FRMPD4: variants seen among roughly 807,000 people sequenced by gnomAD.
FRMPD4 encodes the protein FERM and PDZ domain-containing protein 4.
FRMPD4 carries 22 observed loss-of-function variants against 94.1 expected under a neutral mutation model. The observed-to-expected ratio is 0.23, with a 90% CI of 0.17 to 0.33. FRMPD4 has a LOEUF of 0.33. Ranked by LOEUF, FRMPD4 falls within the 10% of genes least tolerant of loss-of-function variation. The pLI, the probability that FRMPD4 is intolerant of heterozygous loss-of-function variation, is 1.00. For missense variants in FRMPD4, 1,111 were observed against 1,339.9 expected, an observed-to-expected ratio of 0.83 and a Z score of 2.67; for synonymous variants, 631 against 548.6, an observed-to-expected ratio of 1.15 and a Z score of -2.10.
chrX:12,263,583 G>A (rs928533773), intron 1 of FRMPD4, among the ~76,000 whole-genome samples: 15 of 111,219 alleles, frequency 1.3e-4, no homozygotes, highest in Non-Finnish European at 2.1e-4. Context: ...GAAGCGGCAG[G>A]GAAACTACTT....
chrX:12,231,029 A>ATATATATATATATAT (rs1569199737), intron 1 of FRMPD4, among the ~76,000 whole-genome samples: 1 of 40,673 alleles, frequency 2.5e-5, no homozygotes, highest in Non-Finnish European at 4.5e-5. Context: ...GTATATATAT[A>ATATATATATATATAT]GTATATATAT....
chrX:12,585,661 C>G (rs2058920960), intron 2 of FRMPD4, among the ~76,000 whole-genome samples: 1 of 112,007 alleles, frequency 8.9e-6, no homozygotes, highest in African/African-American at 3.2e-5. Context: ...TTCCATGGTA[C>G]CTTCCTTTGC....
chrX:11,908,561 C>G (rs944005693), intron 3 of FRMPD4, among the ~76,000 whole-genome samples: 6 of 111,809 alleles, frequency 5.4e-5, no homozygotes, highest in Non-Finnish European at 1.1e-4. Flanking sequence ...GTAGCCCCAT[C>G]TAGTGGCAAA....
At chrX:12,410,349 A>G (rs2056716640) in intron 1 of FRMPD4, among the ~76,000 whole-genome samples, 1 of 111,103 alleles carries the variant, frequency 9.0e-6, no homozygotes, top group African/African-American at 3.3e-5. Flanking sequence ...TATATGTTTC[A>G]TTGTGTGTTT....
chrX:11,847,417 C>T (rs1358914481), intron 1 of FRMPD4, among the ~76,000 whole-genome samples: 5 of 106,060 alleles, frequency 4.7e-5, no homozygotes, highest in Non-Finnish European at 9.7e-5. Flanking sequence ...AATAGGAACA[C>T]TTTTACACTG....
At chrX:12,695,594 G>A (rs2060120916) in intron 9 of FRMPD4, among the ~76,000 whole-genome samples, 1 of 110,098 alleles carries the variant, frequency 9.1e-6, no homozygotes, top group Non-Finnish European at 1.9e-5. Context: ...TAGTAGAGAC[G>A]GGGTTTTGCC....
At chrX:11,887,393 C>G (rs1397119239) in intron 3 of FRMPD4, among the ~76,000 whole-genome samples, 1 of 111,649 alleles carries the variant, frequency 9.0e-6, no homozygotes, top group Non-Finnish European at 1.9e-5. Flanking sequence ...CCACATACCT[C>G]GCTCCACATG....
intron 2 of FRMPD4, among the ~76,000 whole-genome samples, chrX:12,507,341 T>A: frequency 8.9e-6 from 1 of 112,435 alleles, no homozygotes; most frequent in African/African-American, 3.2e-5. Flanking sequence ...GTCTCTGTTG[T>A]GACTCAACAG....
chrX:12,163,710 T>G (rs759790005), intron 1 of FRMPD4, among the ~76,000 whole-genome samples: 140 of 112,251 alleles, frequency 1.2e-3, no homozygotes, highest in Admixed American at 2.7e-3. Flanking sequence ...AAAAATACAA[T>G]CAATATTAAT....
chrX:11,831,145 T>C (rs752126216), intron 1 of FRMPD4, among the ~76,000 whole-genome samples: 4 of 109,248 alleles, frequency 3.7e-5, no homozygotes, highest in South Asian at 8.1e-4. Context: ...GGGAGCCAGA[T>C]TGGGACAGGG....
In FRMPD4 at chrX:12,143,533, G is replaced by T. The variant is rs933046477; in HGVS notation, c.41+4521G>T. Among the ~76,000 whole-genome samples, 3 of 111,754 alleles carry T rather than the reference G, an allele frequency of 2.7e-5. No homozygotes were observed. In the Admixed American group the frequency reaches 2.8e-4, roughly 11 times the overall value. Reference sequence around the variant, plus strand: ...TACTCTCTGGCTCTTTACAGAAAAAGTTAACTGACCCCTGGGTTAAACAAT... The same window carrying T: ...TACTCTCTGGCTCTTTACAGAAAAATTTAACTGACCCCTGGGTTAAACAAT... On this transcript the variant is annotated intron_variant, in intron 1 of 16. Transcript: ENST00000675598.
chrX:12,450,863 C>CAA (rs5901475), intron 1 of FRMPD4, among the ~76,000 whole-genome samples: 7,023 of 49,426 alleles, frequency 0.14, 592 homozygotes, highest in African/African-American at 0.22. Context: ...TCTATTTATC[C>CAA]AAAAAAAAAA....
intron 1 of FRMPD4, among the ~76,000 whole-genome samples, chrX:12,363,829 A>C (rs1377953414): frequency 9.0e-6 from 1 of 111,724 alleles, no homozygotes; most frequent in African/African-American, 3.3e-5. Flanking sequence ...AGTTGCCAAC[A>C]TGACAGCCAG....
intron 1 of FRMPD4, among the ~76,000 whole-genome samples, chrX:12,169,922 T>C (rs1487657295): frequency 8.9e-6 from 1 of 111,822 alleles, no homozygotes; most frequent in Non-Finnish European, 1.9e-5. Flanking sequence ...AGTTTACTTA[T>C]AAAAACAGGC....
intron 2 of FRMPD4, among the ~76,000 whole-genome samples, chrX:12,601,272 C>T (rs2059082199): frequency 8.9e-6 from 1 of 112,063 alleles, no homozygotes; most frequent in African/African-American, 3.2e-5. Flanking sequence ...TCTGAACCCA[C>T]AGTATGCGTA....
At chrX:12,076,327 CGTGTGTGT>C (rs34558552) in intron 3 of FRMPD4, among the ~76,000 whole-genome samples, 55 of 98,126 alleles carry the variant, frequency 5.6e-4, no homozygotes, top group African/African-American at 2.1e-3. Context: ...CCTAGCAAAA[CGTGTGTGT>C]GTGTGTGTGT....
intron 3 of FRMPD4, among the ~76,000 whole-genome samples, chrX:12,115,403 C>A (rs766517552): frequency 9.0e-6 from 1 of 111,343 alleles, no homozygotes; most frequent in Non-Finnish European, 1.9e-5. Context: ...GTCTCTAACT[C>A]GTGAGCTGAA....
At chrX:12,007,486 C>T (rs2054559915) in intron 3 of FRMPD4, among the ~76,000 whole-genome samples, 1 of 112,292 alleles carries the variant, frequency 8.9e-6, no homozygotes, top group South Asian at 3.8e-4. Flanking sequence ...ATTACTGAGA[C>T]TAGACAAGAG....
intron 3 of FRMPD4, among the ~76,000 whole-genome samples, chrX:12,610,912 G>A (rs996733890): frequency 2.7e-5 from 3 of 111,679 alleles, no homozygotes; most frequent in Non-Finnish European, 5.6e-5. Context: ...CAGCCAGCCT[G>A]TGGTTATCCT....
Sources: allele counts gnomAD v4.1 joint callset (sites outside exome capture counted in the v4.1 genomes callset), GRCh38; gene constraint gnomAD v4.1.1; transcripts MANE v1.5; gene names NCBI Gene and HGNC (gene_info 2026-07-23, HGNC 2026-07-21).